GAS7: variants seen among roughly 807,000 people sequenced by gnomAD.
The protein encoded by GAS7 is growth arrest specific 7.
In GAS7, 28 loss-of-function variants were observed where a neutral mutation model predicts 71.1. The observed-to-expected ratio is 0.39, with a 90% CI of 0.29 to 0.54. The LOEUF is 0.54. Among genes scored for constraint, GAS7 ranks in the 20% least tolerant of loss-of-function variants. The probability of loss-of-function intolerance (pLI) is 0.62; values close to 1 mark genes in which losing one functional copy is unlikely to be tolerated. For missense variants in GAS7, 436 were observed against 627.8 expected (o/e 0.69, Z 3.27); for synonymous variants, 258 against 245.8 (o/e 1.05, Z -0.46).
intron 1 of GAS7, among the ~76,000 whole-genome samples, chr17:10,123,563 C>T: frequency 6.6e-6 from 1 of 152,226 alleles, no homozygotes. Context: ...GGGTGAAAGC[C>T]CCAAAACTCT....
chr17:10,036,606 C>A (rs1435773127), intron 1 of GAS7: 2 of 1,460,744 alleles, frequency 1.4e-6, no homozygotes, highest in Non-Finnish European at 1.8e-6. Context: ...GTTCTGGGCA[C>A]CCCAGCGGAG....
chr17:10,070,997 C>G (rs1225296650), intron 1 of GAS7, among the ~76,000 whole-genome samples: 2 of 151,876 alleles, frequency 1.3e-5, no homozygotes, highest in African/African-American at 4.8e-5. Flanking sequence ...CCAGGGACTC[C>G]CACATCCCCA....
chr17:9,994,251 G>A (rs1321388056), intron 2 of GAS7, among the ~76,000 whole-genome samples: 1 of 136,644 alleles, frequency 7.3e-6, no homozygotes, highest in Non-Finnish European at 1.6e-5. Flanking sequence ...GAACAAAGCT[G>A]GAGGCATCAC....
intron 1 of GAS7, among the ~76,000 whole-genome samples, chr17:10,031,651 C>T (rs1398508324): frequency 6.6e-6 from 1 of 152,108 alleles, no homozygotes; most frequent in Non-Finnish European, 1.5e-5. Context: ...TTTTTATGGT[C>T]GTTGCACCTG....
intron 2 of GAS7, among the ~76,000 whole-genome samples, chr17:9,990,304 G>A (rs995796811): frequency 6.6e-6 from 1 of 152,122 alleles, no homozygotes; most frequent in Non-Finnish European, 1.5e-5. Context: ...CTCGCCCTAC[G>A]GATGCTGGCA....
At chr17:10,016,061 T>C (rs1220515937) in intron 2 of GAS7, among the ~76,000 whole-genome samples, 1 of 152,178 alleles carries the variant, frequency 6.6e-6, no homozygotes. Flanking sequence ...TCAAACTATG[T>C]GTTGAAGGAA....
At chr17:9,945,815 AT>A (rs1358381084) in intron 6 of GAS7, among the ~76,000 whole-genome samples, 1 of 152,078 alleles carries the variant, frequency 6.6e-6, no homozygotes, top group Non-Finnish European at 1.5e-5. Flanking sequence ...TATTAAAAAA[AT>A]AAAATAAAAT....
chr17:9,928,368 C>T (rs7215154), intron 9 of GAS7, among the ~76,000 whole-genome samples: 8,903 of 151,836 alleles, frequency 0.059, 827 homozygotes, highest in African/African-American at 0.2. Flanking sequence ...GTGATCCGCC[C>T]GCCTCGGCCT....
chr17:10,036,593 A>T (rs975267129), intron 1 of GAS7: 7 of 1,494,338 alleles, frequency 4.7e-6, no homozygotes, highest in Non-Finnish European at 4.4e-6. Context: ...GCCCAGGGCC[A>T]GTGTTCTGGG....
intron 1 of GAS7, among the ~76,000 whole-genome samples, 157 bp downstream of exon 1, chr17:10,198,051 C>G (rs1174239849): frequency 6.6e-6 from 1 of 152,178 alleles, no homozygotes; most frequent in Non-Finnish European, 1.5e-5. Flanking sequence ...GTCGCTGCCC[C>G]CCAGGAGCGT....
At chr17:10,048,998 G>C (rs1251680802) in intron 1 of GAS7, among the ~76,000 whole-genome samples, 1 of 152,176 alleles carries the variant, frequency 6.6e-6, no homozygotes, top group Non-Finnish European at 1.5e-5. Flanking sequence ...CAGGATACGA[G>C]TTTCTCCTAC....
chr17:9,983,467 G>A (rs1328784269), intron 2 of GAS7, among the ~76,000 whole-genome samples: 1 of 152,094 alleles, frequency 6.6e-6, no homozygotes, highest in African/African-American at 2.4e-5. Flanking sequence ...CTCCAGCCTG[G>A]GTGACAGAGC....
At chr17:10,118,373 C>T (rs1047770144) in intron 1 of GAS7, among the ~76,000 whole-genome samples, 3 of 152,168 alleles carry the variant, frequency 2.0e-5, no homozygotes, top group African/African-American at 4.8e-5. Flanking sequence ...TCAGCCTCTC[C>T]GGCCTGCCCT....
chr17:10,147,782 T>C (rs1349047520), intron 1 of GAS7, among the ~76,000 whole-genome samples: 2 of 152,214 alleles, frequency 1.3e-5, no homozygotes, highest in African/African-American at 2.4e-5. Flanking sequence ...TCAAACTCTA[T>C]TAATGTGAAT....
chr17:10,059,382 A>G (rs566438922), intron 1 of GAS7, among the ~76,000 whole-genome samples: 16 of 152,336 alleles, frequency 1.1e-4, no homozygotes, highest in African/African-American at 3.4e-4. Flanking sequence ...CCGGAAATCA[A>G]GAAAAACTCA....
At chr17:10,040,490 G>A (rs995167350) in intron 1 of GAS7, among the ~76,000 whole-genome samples, 1 of 152,158 alleles carries the variant, frequency 6.6e-6, no homozygotes, top group African/African-American at 2.4e-5. Flanking sequence ...GCTGTGCTTT[G>A]TAGAAATCAT....
chr17:9,929,916 C>G (rs1220048071), intron 9 of GAS7, among the ~76,000 whole-genome samples: 1 of 152,182 alleles, frequency 6.6e-6, no homozygotes. Flanking sequence ...CTCACAGACT[C>G]AGGCCGGCCT....
chr17:10,142,003 C>T (rs1158431586), intron 1 of GAS7, among the ~76,000 whole-genome samples: 4 of 151,658 alleles, frequency 2.6e-5, no homozygotes, highest in South Asian at 4.2e-4. Context: ...CCGAGGTGGG[C>T]GGATCACGAG....
intron 1 of GAS7, among the ~76,000 whole-genome samples, chr17:10,084,512 G>C (rs2073495333): frequency 6.6e-6 from 1 of 152,044 alleles, no homozygotes; most frequent in South Asian, 2.1e-4. Context: ...TGTCCCCCAG[G>C]CTGGAGTGCG....
Sources: gnomAD v4.1 joint callset for allele counts (sites outside exome capture counted in the v4.1 genomes callset) on GRCh38, gnomAD v4.1.1 for gene constraint, MANE v1.5 for transcripts, NCBI Gene and HGNC (gene_info 2026-07-23, HGNC 2026-07-21) for gene names.